The following STARD4 variants were observed in gnomAD, a reference collection of about 807,000 sequenced individuals.
STARD4 encodes StAR related lipid transfer domain containing 4, also known as stAR-related lipid transfer protein 4.
STARD4 carries 33 observed loss-of-function variants against 24.9 expected under a neutral mutation model. The observed-to-expected ratio is 1.32, with a 90% CI of 1.00 to 1.77. STARD4 has a LOEUF of 1.77. STARD4 is among the 40% of genes most tolerant of loss of function. STARD4 has a pLI of 0.00. For missense variants in STARD4, 238 were observed against 249.3 expected (o/e 0.95, Z 0.31); for synonymous variants, 88 against 77.4 (o/e 1.14, Z -0.72).
intron 1 of STARD4, among the ~76,000 whole-genome samples, chr5:111,510,496 C>T (rs1757180730): frequency 6.6e-6 from 1 of 152,082 alleles, no homozygotes; most frequent in Admixed American, 6.5e-5. Context: ...GGAAATTATC[C>T]AACTCTAACA....
At position 111,498,785 on chromosome 5, in the gene STARD4, A is replaced by T. The variant is rs1756240858; in HGVS notation, c.*1101T>A. 1 of 152,194 alleles carries T rather than the reference A, an allele frequency of 6.6e-6. No homozygotes were observed. The allele number at this position is 152,194 out of a possible 1,614,324, so 9.4% of individuals were successfully genotyped here. Reference sequence around the variant, plus strand: ...CACCTTTTGTTTTTTGAAATCTATCATCACCAGTGGCAAAAAATAAATAAA... The same window carrying T: ...CACCTTTTGTTTTTTGAAATCTATCTTCACCAGTGGCAAAAAATAAATAAA... On this transcript the variant is annotated 3_prime_UTR_variant, in exon 6 of 6. Transcript: ENST00000296632.
chr5:111,496,170 ACTT>A lies in STARD4; in HGVS notation c.*3713_*3715del, dbSNP rs772714273. Reference sequence around the variant, plus strand: ...ATTGGTTCACAAAAGAATTATATAAACTTCTTAAAAATAAAATCTATACTATAG... The same window carrying A: ...ATTGGTTCACAAAAGAATTATATAAACTTAAAAATAAAATCTATACTATAG... On this transcript the variant is annotated 3_prime_UTR_variant, in exon 6 of 6. Coordinates refer to ENST00000296632, the MANE Select transcript of STARD4 (RefSeq NM_139164.3). 2 of 152,070 alleles carry A rather than the reference ACTT, an allele frequency of 1.3e-5. No individual in the cohort carries two copies. Among genetic ancestry groups the A allele is most frequent in the South Asian group, 2.1e-4 (1 of 4,834 alleles). 9.4% of individuals were successfully genotyped at this position (152,070 alleles called of 1,614,324 possible).
In STARD4 at chr5:111,499,695, A is replaced by C; in HGVS notation, c.*191T>G. 1.2e-5 allele frequency: 7 copies of C among 593,386 alleles called. No homozygotes were observed. The East Asian group carries it at 2.0e-4, about 17-fold the overall frequency. The allele number at this position is 593,386 out of a possible 1,614,324, so 36.8% of individuals were successfully genotyped here. On this transcript the variant is annotated 3_prime_UTR_variant, in exon 6 of 6. Coordinates refer to ENST00000296632, the MANE Select transcript of STARD4 (RefSeq NM_139164.3). ...GAGAGCCTGTCTCAAAATTTAAAAA[A>C]AAAAAAGTGAAAATGCCCTCTCTTA...
chr5:111,512,134 G>A (rs908317086), intron 1 of STARD4: 1 of 152,312 alleles, frequency 6.6e-6, no homozygotes, highest in Non-Finnish European at 1.5e-5. Flanking sequence ...GGCGCGCAGG[G>A]GCGAGTTGCA....
At chr5:111,506,421 G>A in intron 2 of STARD4, 42 bp from the exon 3 acceptor site, 4 of 991,376 alleles carry the variant, frequency 4.0e-6, no homozygotes, top group Non-Finnish European at 4.5e-6. Flanking sequence ...TTGCATAGGT[G>A]GAACCCTAGA....
At chr5:111,500,924 A>C (rs767398492) in intron 5 of STARD4, 78 bp downstream of exon 5, 11 of 1,610,206 alleles carry the variant, frequency 6.8e-6, no homozygotes, top group Non-Finnish European at 9.3e-6. Flanking sequence ...ATATCTCACA[A>C]GGAAAGAGAC....
intron 4 of STARD4, 92 bp from the exon 5 acceptor site, chr5:111,501,208 T>C (rs1756426281): frequency 3.9e-6 from 5 of 1,270,630 alleles, no homozygotes; most frequent in Non-Finnish European, 5.3e-6. Flanking sequence ...GAAACTAATA[T>C]TTATTTAAAA....
intron 3 of STARD4, among the ~76,000 whole-genome samples, chr5:111,505,777 C>G (rs1486838331): frequency 1.3e-5 from 2 of 152,086 alleles, no homozygotes; most frequent in Admixed American, 6.5e-5. Flanking sequence ...GTATACAATG[C>G]TAAGAAATTC....
intron 1 of STARD4, 198 bp downstream of exon 1, chr5:111,512,187 C>T (rs182543630): frequency 2.0e-5 from 3 of 152,566 alleles, no homozygotes; most frequent in Admixed American, 1.3e-4. Context: ...CTCCCAGGGG[C>T]TCAGGTTTCT....
intron 3 of STARD4, among the ~76,000 whole-genome samples, chr5:111,502,814 G>T (rs543994186): frequency 7.3e-6 from 1 of 137,856 alleles, no homozygotes; most frequent in East Asian, 2.2e-4. Flanking sequence ...TAATAATAAT[G>T]AAGGGTTTTT....
At position 111,501,021 on chromosome 5, in the gene STARD4, T is replaced by G. The variant is rs762642302; in HGVS notation, c.378A>C (p.Lys126Asn). 1.2e-6 allele frequency: 2 copies of G among 1,613,896 alleles called. No homozygotes were observed. Among genetic ancestry groups the G allele is most frequent in the Admixed American group, 3.3e-5 (2 of 59,982 alleles). The change falls in exon 5 of 6, where the codon AAA becomes AAC. Residue 126 changes from lysine (K) to asparagine (N), a missense_variant. Coordinates refer to ENST00000296632, the MANE Select transcript of STARD4 (RefSeq NM_139164.3). The stretch of plus-strand genomic sequence containing the variant: ...TATTACCACAAGATAAAAGCCCTTC[T>G]TTATAGCCCACAGTATAGGAGAAAT... ...FVDFSYTVGY[K>N]EGLLSCGISL... is the part of the protein sequence containing the mutation.
rs766815142 is a variant in STARD4, at chr5:111,501,103, AT to A, written c.295del (p.Met99CysfsTer12). ...LENFEENCCV[M>X]RYTTAGQLWN... ...AAGCTGACCAGCAGTAGTGTAACGCATCACACAGCAATTCTGAAAAAGAAGA... is the reference window on the plus strand; with the variant it reads ...AAGCTGACCAGCAGTAGTGTAACGCACACACAGCAATTCTGAAAAAGAAGA... On this transcript the variant is annotated frameshift_variant, in exon 5 of 6. Coordinates refer to ENST00000296632, the MANE Select transcript of STARD4 (RefSeq NM_139164.3). LOFTEE classifies it high-confidence loss of function. 3 of 1,596,986 alleles carry A rather than the reference AT, an allele frequency of 1.9e-6. No individual in the cohort carries two copies. The highest frequency in any genetic ancestry group is 2.6e-6 in the Non-Finnish European group (3 of 1,175,126).
At position 111,498,119 on chromosome 5, in the gene STARD4, G is replaced by A. The variant is rs910466529; in HGVS notation, c.*1767C>T. ...TGTTTTTGTTTTTTTAAAGTACACA[G>A]CTAGAGCCCAGCAGATCTAAGGGGC... is the stretch of plus-strand genomic sequence containing the variant. On this transcript the variant is annotated 3_prime_UTR_variant, in exon 6 of 6. Transcript: ENST00000296632. The A allele has an allele frequency of 6.6e-6, 1 of 151,880 alleles. No homozygotes were observed. Among genetic ancestry groups the A allele is most frequent in the Non-Finnish European group, 1.5e-5 (1 of 67,912 alleles). 9.4% of individuals were successfully genotyped at this position (151,880 alleles called of 1,614,324 possible).
At chr5:111,500,963 A>C in intron 5 of STARD4, 39 bp downstream of exon 5, 1 of 1,613,206 alleles carries the variant, frequency 6.2e-7, no homozygotes, top group Admixed American at 1.7e-5. Context: ...AAATATTTAA[A>C]CCATACTGAA....
intron 3 of STARD4, among the ~76,000 whole-genome samples, chr5:111,506,063 A>ACT: frequency 6.6e-6 from 1 of 151,974 alleles, no homozygotes; most frequent in African/African-American, 2.4e-5. Context: ...GCACAGTGGC[A>ACT]GGTGCCTGTA....
At chr5:111,508,635 C>G (rs1049407789) in intron 1 of STARD4, among the ~76,000 whole-genome samples, 4 of 152,152 alleles carry the variant, frequency 2.6e-5, no homozygotes, top group African/African-American at 9.7e-5. Flanking sequence ...CAGTTGTCAA[C>G]TATGGATGCA....
chr5:111,500,603 C>T, intron 5 of STARD4: 1 of 1,110,472 alleles, frequency 9.0e-7, no homozygotes, highest in Non-Finnish European at 1.1e-6. Context: ...TATTTTTAAT[C>T]TTGAAAAGAA....
rs2059041 is a variant in STARD4 at position 111,498,481 on chromosome 5, T to G, written c.*1405A>C. On this transcript the variant is annotated 3_prime_UTR_variant, in exon 6 of 6. Coordinates refer to ENST00000296632, the MANE Select transcript of STARD4 (RefSeq NM_139164.3). ...TAGAACAGTAGAATATGAGACTTCC[T>G]ACTCTACGCTAATAAAAACAAATAA... The G allele has an allele frequency of 6.6e-6, 1 of 151,710 alleles. No individual in the cohort carries two copies. Among genetic ancestry groups the G allele is most frequent in the Non-Finnish European group, 1.5e-5 (1 of 67,924 alleles). The allele number at this position is 151,710 out of a possible 1,614,324, so 9.4% of individuals were successfully genotyped here.
Position 111,512,509 on chromosome 5 carries a change from G to C in STARD4, c.-134C>G, listed in dbSNP as rs568445019. 5 of 152,862 alleles carry C rather than the reference G, an allele frequency of 3.3e-5. No homozygotes were observed. Among genetic ancestry groups the C allele is most frequent in the East Asian group, 1.9e-4 (1 of 5,186 alleles). The allele number at this position is 152,862 out of a possible 1,614,324, so 9.5% of individuals were successfully genotyped here. ...ATGCGCAGGCGACAGCAGCCAACTT[G>C]TAAGTCACCGCTGGTCGCAGCCAAC... On this transcript the variant is annotated 5_prime_UTR_variant, in exon 1 of 6. Transcript: ENST00000296632.
Sources: gnomAD v4.1 joint callset for allele counts (sites outside exome capture counted in the v4.1 genomes callset) on GRCh38, gnomAD v4.1.1 for gene constraint, MANE v1.5 for transcripts, NCBI Gene and HGNC (gene_info 2026-07-23, HGNC 2026-07-21) for gene names.